The following PCMT1 variants were observed in gnomAD, a reference collection of about 807,000 sequenced individuals.
The protein encoded by PCMT1 is protein-L-isoaspartate(D-aspartate) O-methyltransferase.
A neutral mutation model predicts 29.2 loss-of-function variants in PCMT1; 9 were observed. The ratio of observed to expected loss-of-function variants is 0.31; its 90% CI spans 0.19 to 0.54. The LOEUF (loss-of-function observed/expected upper bound fraction) is 0.54, where lower values mean the gene tolerates loss of function less well. Among genes scored for constraint, PCMT1 ranks in the 20% least tolerant of loss-of-function variants. PCMT1 has a pLI of 0.95. For missense variants in PCMT1, 184 were observed against 282.2 expected (o/e 0.65, Z 2.49); for synonymous variants, 98 against 97.5 (o/e 1.00, Z -0.03).
intron 1 of PCMT1, among the ~76,000 whole-genome samples, chr6:149,754,254 A>G (rs1046475942): frequency 6.6e-6 from 1 of 152,214 alleles, no homozygotes; most frequent in South Asian, 2.1e-4. Flanking sequence ...ACATGTATCC[A>G]GTAGTTACCA....
intron 3 of PCMT1, among the ~76,000 whole-genome samples, chr6:149,786,863 A>T (rs1295712516): frequency 7.4e-6 from 1 of 134,598 alleles, no homozygotes; most frequent in East Asian, 2.4e-4. Context: ...CGCTCCTCAT[A>T]TCCCAGACGG....
intron 3 of PCMT1, among the ~76,000 whole-genome samples, chr6:149,784,468 ACTCT>A (rs968699387): frequency 3.3e-5 from 5 of 151,188 alleles, no homozygotes; most frequent in African/African-American, 7.3e-5. Flanking sequence ...GTTTTATTTA[ACTCT>A]CTCTTTTTTT....
intron 7 of PCMT1, among the ~76,000 whole-genome samples, chr6:149,807,408 G>A (rs538197694): frequency 9.2e-5 from 14 of 152,212 alleles, no homozygotes; most frequent in African/African-American, 3.1e-4. Context: ...GTCTTGCTCT[G>A]TCACCCAGGC....
At chr6:149,801,280 A>G (rs771219367) in intron 6 of PCMT1, among the ~76,000 whole-genome samples, 1 of 152,222 alleles carries the variant, frequency 6.6e-6, no homozygotes, top group Non-Finnish European at 1.5e-5. Context: ...TAATATTTCA[A>G]ATAATTTTGT....
At chr6:149,785,486 T>A (rs1437120877) in intron 3 of PCMT1, among the ~76,000 whole-genome samples, 1 of 150,838 alleles carries the variant, frequency 6.6e-6, no homozygotes, top group East Asian at 1.9e-4. Context: ...AGGACAATAG[T>A]GGAGGGAAGG....
chr6:149,800,651 C>A (rs1186234802), intron 6 of PCMT1, among the ~76,000 whole-genome samples: 1 of 152,112 alleles, frequency 6.6e-6, no homozygotes, highest in South Asian at 2.1e-4. Context: ...ACAGGAGTGT[C>A]CTCATTCTAA....
intron 1 of PCMT1, among the ~76,000 whole-genome samples, chr6:149,760,628 C>T (rs773598424): frequency 1.1e-4 from 17 of 152,078 alleles, no homozygotes; most frequent in Non-Finnish European, 1.9e-4. Flanking sequence ...TCGAGGTGGG[C>T]GGATCACGAG....
intron 3 of PCMT1, among the ~76,000 whole-genome samples, chr6:149,786,768 A>G (rs1412518733): frequency 6.7e-6 from 1 of 149,498 alleles, no homozygotes; most frequent in African/African-American, 2.5e-5. Context: ...GCGGCTGAGC[A>G]GAGACGCTCC....
chr6:149,800,783 G>A (rs1358175656), intron 6 of PCMT1, among the ~76,000 whole-genome samples: 1 of 151,982 alleles, frequency 6.6e-6, no homozygotes, highest in Non-Finnish European at 1.5e-5. Flanking sequence ...AATAGGATAG[G>A]GATTCCTTGC....
chr6:149,777,323 T>G (rs753156642), intron 3 of PCMT1, among the ~76,000 whole-genome samples: 1 of 152,206 alleles, frequency 6.6e-6, no homozygotes, highest in Non-Finnish European at 1.5e-5. Context: ...GAAAATAGAA[T>G]GCATGTATGG....
intron 4 of PCMT1, among the ~76,000 whole-genome samples, 191 bp from the exon 5 acceptor site, chr6:149,793,358 G>A (rs376382884): frequency 2.0e-4 from 31 of 152,236 alleles, no homozygotes; most frequent in African/African-American, 7.2e-4. Flanking sequence ...TTCAATGAGA[G>A]TGATAGTTGA....
chr6:149,808,704 T>G (rs2115353864), intron 7 of PCMT1, among the ~76,000 whole-genome samples: 1 of 152,074 alleles, frequency 6.6e-6, no homozygotes, highest in South Asian at 2.1e-4. Flanking sequence ...TGGCGTGATC[T>G]CAGCTTGCTG....
intron 4 of PCMT1, among the ~76,000 whole-genome samples, chr6:149,792,080 C>T (rs1205963042): frequency 4.6e-5 from 7 of 151,536 alleles, no homozygotes; most frequent in African/African-American, 1.5e-4. Context: ...TTTGGGAGGC[C>T]GAGGCAGGTG....
intron 6 of PCMT1, among the ~76,000 whole-genome samples, chr6:149,799,740 T>A (rs544553490): frequency 6.6e-6 from 1 of 152,200 alleles, no homozygotes; most frequent in Non-Finnish European, 1.5e-5. Context: ...TGCAGGATTG[T>A]TACAAAGGGA....
chr6:149,800,895 C>T (rs547658031), intron 6 of PCMT1, among the ~76,000 whole-genome samples: 3 of 152,284 alleles, frequency 2.0e-5, no homozygotes, highest in South Asian at 2.1e-4. Flanking sequence ...GCCTTTGGCC[C>T]GCCAAGAGGA....
At chr6:149,758,792 A>G (rs1786622785) in intron 1 of PCMT1, among the ~76,000 whole-genome samples, 2 of 152,190 alleles carry the variant, frequency 1.3e-5, no homozygotes, top group East Asian at 3.8e-4. Flanking sequence ...GAAGGTACAT[A>G]TTTTAAAATA....
At chr6:149,751,249 G>GGA (rs1051515095) in intron 1 of PCMT1, among the ~76,000 whole-genome samples, 49 of 152,098 alleles carry the variant, frequency 3.2e-4, no homozygotes, top group African/African-American at 1.1e-3. Context: ...CCCGGGACGG[G>GGA]GAGGTTGCAG....
intron 1 of PCMT1, among the ~76,000 whole-genome samples, chr6:149,763,582 A>C (rs947799053): frequency 6.6e-6 from 1 of 152,146 alleles, no homozygotes; most frequent in African/African-American, 2.4e-5. Flanking sequence ...CTGTAGAGCC[A>C]AAGAAGCTCA....
chr6:149,783,835 A>C (rs1039309113), intron 3 of PCMT1, among the ~76,000 whole-genome samples: 1 of 152,192 alleles, frequency 6.6e-6, no homozygotes, highest in African/African-American at 2.4e-5. Context: ...GACTATAGGC[A>C]TGTGCCATGA....
Sources: allele counts gnomAD v4.1 joint callset (sites outside exome capture counted in the v4.1 genomes callset), GRCh38; gene constraint gnomAD v4.1.1; transcripts MANE v1.5; gene names NCBI Gene and HGNC (gene_info 2026-07-23, HGNC 2026-07-21).